The following GRXCR1 variants were observed in gnomAD, a reference collection of about 807,000 sequenced individuals.
GRXCR1 encodes the protein glutaredoxin and cysteine rich domain containing 1, also known as glutaredoxin domain-containing cysteine-rich protein 1.
Under a neutral mutation model 27.3 loss-of-function variants are expected in GRXCR1, and 27 were observed. The observed-to-expected ratio is 0.99, with a 90% CI of 0.73 to 1.37. GRXCR1 has a LOEUF of 1.37. Ranked by LOEUF, GRXCR1 falls within the 40% of genes most tolerant of loss-of-function variation. GRXCR1 has a pLI of 0.00. For synonymous variants in GRXCR1, 122 were observed against 131.1 expected (o/e 0.93, Z 0.47); for missense variants, 379 against 354.4 (o/e 1.07, Z -0.56).
Position 42,893,236 on chromosome 4 carries a change from C to T in GRXCR1, c.-31C>T. On this transcript the variant is annotated 5_prime_UTR_variant, in exon 1 of 4. Transcript: ENST00000399770. ...GTGCAGTAACAACGGGTCCAGAATG[C>T]TGTAAACTGTTCATATGGGTGGAGG... The T allele has an allele frequency of 6.2e-7, 1 of 1,612,880 alleles. No homozygotes were observed. The highest frequency in any genetic ancestry group is 8.5e-7 in the Non-Finnish European group (1 of 1,179,468).
intron 2 of GRXCR1, among the ~76,000 whole-genome samples, chr4:42,999,835 A>G (rs1403594222): frequency 6.6e-6 from 1 of 152,262 alleles, no homozygotes; most frequent in Non-Finnish European, 1.5e-5. Context: ...GTTTGTATGC[A>G]TCGGTAAAAG....
intron 1 of GRXCR1, among the ~76,000 whole-genome samples, chr4:42,933,980 A>G (rs1297637330): frequency 1.3e-5 from 2 of 151,880 alleles, no homozygotes; most frequent in African/African-American, 4.8e-5. Flanking sequence ...AATCAAGGGG[A>G]GATGCAGGCA....
intron 1 of GRXCR1, among the ~76,000 whole-genome samples, chr4:42,946,274 T>C (rs1747742615): frequency 1.4e-5 from 2 of 138,408 alleles, no homozygotes; most frequent in African/African-American, 5.8e-5. Flanking sequence ...CTGCAAATGC[T>C]TCCTTAAGTG....
chr4:42,998,865 T>C (rs866343447), intron 2 of GRXCR1, among the ~76,000 whole-genome samples: 7 of 152,246 alleles, frequency 4.6e-5, no homozygotes, highest in Non-Finnish European at 8.8e-5. Context: ...GAGAGTTTAC[T>C]TTAAAAAATG....
chr4:42,933,910 C>T (rs555793159), intron 1 of GRXCR1, among the ~76,000 whole-genome samples: 7 of 151,778 alleles, frequency 4.6e-5, no homozygotes, highest in East Asian at 3.9e-4. Flanking sequence ...TGAAGATGGA[C>T]GAGAAAGGGG....
chr4:42,905,233 C>T (rs1013846352), intron 1 of GRXCR1, among the ~76,000 whole-genome samples: 1 of 152,210 alleles, frequency 6.6e-6, no homozygotes, highest in Non-Finnish European at 1.5e-5. Flanking sequence ...GGCTCTGCTG[C>T]AGTTGGCTCT....
At chr4:42,930,353 G>T (rs1747274852) in intron 1 of GRXCR1, among the ~76,000 whole-genome samples, 1 of 151,920 alleles carries the variant, frequency 6.6e-6, no homozygotes, top group Admixed American at 6.6e-5. Context: ...TCTTTCTTTA[G>T]ATTCTTCCTT....
At chr4:42,941,942 C>T (rs550400695) in intron 1 of GRXCR1, among the ~76,000 whole-genome samples, 46 of 152,104 alleles carry the variant, frequency 3.0e-4, no homozygotes, top group African/African-American at 1.1e-3. Flanking sequence ...AGGAAACTAT[C>T]AAGAAACATT....
At chr4:42,901,386 C>T (rs1241769486) in intron 1 of GRXCR1, among the ~76,000 whole-genome samples, 1 of 152,160 alleles carries the variant, frequency 6.6e-6, no homozygotes, top group East Asian at 1.9e-4. Context: ...TCTCTGGAGG[C>T]TTTACGGCAG....
intron 2 of GRXCR1, among the ~76,000 whole-genome samples, chr4:43,009,547 C>T (rs913304415): frequency 1.3e-4 from 20 of 152,166 alleles, no homozygotes; most frequent in African/African-American, 4.6e-4. Context: ...AACAGAAATT[C>T]ATTTCTGTCA....
At chr4:43,020,498 G>GAAT (rs1297761930) in intron 3 of GRXCR1, 79 bp downstream of exon 3, 2 of 889,776 alleles carry the variant, frequency 2.2e-6, no homozygotes, top group African/African-American at 3.3e-5. Flanking sequence ...TTTCCTAATT[G>GAAT]AATTCTCTCT....
intron 1 of GRXCR1, among the ~76,000 whole-genome samples, chr4:42,949,657 AT>A (rs1747834383): frequency 6.6e-6 from 1 of 152,188 alleles, no homozygotes. Flanking sequence ...TTTATAAAAA[AT>A]ATTAGCTTTC....
intron 2 of GRXCR1, among the ~76,000 whole-genome samples, chr4:42,985,961 T>C (rs2109787917): frequency 6.6e-6 from 1 of 152,176 alleles, no homozygotes; most frequent in East Asian, 1.9e-4. Flanking sequence ...TCCATAAACA[T>C]CTAGTTATTG....
chr4:43,029,901 G>A (rs1030672866), intron 3 of GRXCR1, among the ~76,000 whole-genome samples: 8 of 152,160 alleles, frequency 5.3e-5, no homozygotes, highest in African/African-American at 1.9e-4. Flanking sequence ...TCAGTTTATA[G>A]TGGCTCCTGC....
chr4:42,923,246 A>T (rs1038711940), intron 1 of GRXCR1, among the ~76,000 whole-genome samples: 2 of 152,100 alleles, frequency 1.3e-5, no homozygotes, highest in African/African-American at 4.8e-5. Context: ...CCTTCTGCTC[A>T]TGTAAGCTGG....
Position 43,018,521 on chromosome 4 carries a change from T to C in GRXCR1, c.628-1833T>C, listed in dbSNP as rs374778032. On this transcript the variant is annotated intron_variant, in intron 2 of 3. Transcript: ENST00000399770. Reference sequence around the variant, plus strand: ...CAAGAGTTGTTTGTATTTAAGAATATTGAGACAGGTCCTTTCTTGGCATAT... The same window carrying C: ...CAAGAGTTGTTTGTATTTAAGAATACTGAGACAGGTCCTTTCTTGGCATAT... Among the ~76,000 whole-genome samples, 7 of 152,284 alleles carry C rather than the reference T, an allele frequency of 4.6e-5. No individual in the cohort carries two copies. The East Asian group carries it at 7.7e-4, about 17-fold the overall frequency.
intron 1 of GRXCR1, among the ~76,000 whole-genome samples, chr4:42,949,774 T>A (rs938050085): frequency 5.3e-5 from 8 of 152,112 alleles, no homozygotes; most frequent in Non-Finnish European, 7.4e-5. Context: ...CAGAGAGACA[T>A]AAGAGTGAAG....
At chr4:42,938,043 A>C (rs1033489435) in intron 1 of GRXCR1, among the ~76,000 whole-genome samples, 1 of 151,930 alleles carries the variant, frequency 6.6e-6, no homozygotes, top group Non-Finnish European at 1.5e-5. Flanking sequence ...ATATTTTTGT[A>C]CTCACTGACC....
intron 2 of GRXCR1, among the ~76,000 whole-genome samples, chr4:42,987,093 G>A (rs941280030): frequency 1.0e-4 from 15 of 149,614 alleles, no homozygotes; most frequent in African/African-American, 3.7e-4. Flanking sequence ...TATGCTAGTT[G>A]TGCTAAGTGC....
Sources: gnomAD v4.1 joint callset for allele counts (sites outside exome capture counted in the v4.1 genomes callset) on GRCh38, gnomAD v4.1.1 for gene constraint, MANE v1.5 for transcripts, NCBI Gene and HGNC (gene_info 2026-07-23, HGNC 2026-07-21) for gene names.